The following VCPIP1 variants were observed in gnomAD, a reference collection of about 807,000 sequenced individuals.
VCPIP1 encodes valosin containing protein interacting protein 1.
A neutral mutation model predicts 85.0 loss-of-function variants in VCPIP1; 8 were observed. That is an observed-to-expected ratio of 0.09 (90% CI 0.06 to 0.17). VCPIP1 has a LOEUF of 0.17. Ranked by LOEUF, VCPIP1 falls within the 10% of genes least tolerant of loss-of-function variation. The pLI is 1.00. For synonymous variants in VCPIP1, 543 were observed against 544.5 expected, an observed-to-expected ratio of 1.00 and a Z score of 0.04; for missense variants, 1,070 against 1,486.3, an observed-to-expected ratio of 0.72 and a Z score of 4.61.
chr8:66,666,203 T>C lies in VCPIP1; in HGVS notation c.756A>G (p.Arg252=), dbSNP rs1586631665. 1.2e-6 allele frequency: 2 copies of C among 1,613,984 alleles called. No homozygotes were observed. The highest frequency in any genetic ancestry group is 3.3e-5 in the Admixed American group (2 of 60,004). The change falls in exon 1 of 3, where the codon CGA becomes CGG. Residue 252 remains arginine (R), a synonymous_variant. Coordinates refer to ENST00000310421, the MANE Select transcript of VCPIP1 (RefSeq NM_025054.5). The surrounding 1 kb of genome is among the most constrained non-coding windows in gnomAD (Gnocchi z 6.3). ...LKQHFQQHLA[R]YQALFHDFID... The stretch of plus-strand genomic sequence containing the variant: ...TGAAGTCATGGAACAGAGCTTGATA[T>C]CGGGCCAGGTGCTGCTGAAAGTGCT...
rs552253020 is a variant in VCPIP1, at chr8:66,652,987, C to T, written c.2711-1443G>A. On this transcript the variant is annotated intron_variant, in intron 1 of 2. Transcript: ENST00000310421. ...GTTGTGACTGACACTGCTAATTAAT[C>T]ACTATGTACTTACAACATCTCAGAG... Among the ~76,000 whole-genome samples, 5 of 152,326 alleles carry T rather than the reference C, an allele frequency of 3.3e-5. No individual in the cohort carries two copies. In the South Asian group the frequency reaches 1.0e-3, roughly 32 times the overall value.
intron 2 of VCPIP1, among the ~76,000 whole-genome samples, chr8:66,647,624 C>T (rs1811009899): frequency 6.6e-6 from 1 of 152,088 alleles, no homozygotes; most frequent in Non-Finnish European, 1.5e-5. Context: ...AGTAACTTCA[C>T]TGAGGTATAT....
chr8:66,649,671 T>C (rs902296097), intron 2 of VCPIP1, among the ~76,000 whole-genome samples: 3 of 152,190 alleles, frequency 2.0e-5, no homozygotes, highest in Non-Finnish European at 2.9e-5. Context: ...ATCAAATCAA[T>C]GGTTGTCAGG....
Position 66,635,315 on chromosome 8 carries a change from T to C in VCPIP1, c.2855A>G (p.Tyr952Cys). 6.2e-7 allele frequency: 1 copy of C among 1,614,122 alleles called. No homozygotes were observed. The highest frequency in any genetic ancestry group is 8.5e-7 in the Non-Finnish European group (1 of 1,180,032). ...TTCCAGTCTATCTTCAGAAGCATTATAGACAAAGGTTTTGCCAGGCAGATG... is the reference window on the plus strand; with the variant it reads ...TTCCAGTCTATCTTCAGAAGCATTACAGACAAAGGTTTTGCCAGGCAGATG... The part of the protein sequence containing the change: ...FPHLPGKTFV[Y>C]NASEDRLELC... Residue 952 changes from tyrosine to cysteine, a missense_variant, in exon 3 of 3, where the codon TAT (tyrosine) becomes TGT (cysteine). By Grantham distance (194) the Tyr-to-Cys change is radical. This residue lies in a region of VCPIP1 where 46 missense variants were observed against 95.2 expected (regional missense o/e 0.48). Coordinates refer to ENST00000310421, the MANE Select transcript of VCPIP1 (RefSeq NM_025054.5).
chr8:66,638,765 C>T (rs1427569042), intron 2 of VCPIP1, among the ~76,000 whole-genome samples: 2 of 151,744 alleles, frequency 1.3e-5, no homozygotes, highest in African/African-American at 2.4e-5. Flanking sequence ...GGCGACAGAG[C>T]GAGACTCCTG....
Position 66,634,772 on chromosome 8 carries a change from G to A in VCPIP1, c.3398C>T (p.Pro1133Leu). The A allele has an allele frequency of 6.2e-7, 1 of 1,614,236 alleles. No homozygotes were observed. Reference sequence around the variant, plus strand: ...TGTTTTCCTTTGAGGAAGATCAGATGGTGACTGCTCTGTACTTTGATCCCG... The same window carrying A: ...TGTTTTCCTTTGAGGAAGATCAGATAGTGACTGCTCTGTACTTTGATCCCG... Reference protein sequence around the residue: ...HLRDQSTEQSPSDLPQRKTEV... With the variant: ...HLRDQSTEQSLSDLPQRKTEV... Residue 1133 changes from proline (P) to leucine (L), a missense_variant, in exon 3 of 3, where the codon CCA (proline) becomes CTA (leucine). Pro to Leu is a moderately conservative substitution (Grantham distance 98). Coordinates refer to ENST00000310421, the MANE Select transcript of VCPIP1 (RefSeq NM_025054.5).
At chr8:66,646,876 T>C (rs1490806188) in intron 2 of VCPIP1, among the ~76,000 whole-genome samples, 1 of 151,300 alleles carries the variant, frequency 6.6e-6, no homozygotes, top group Non-Finnish European at 1.5e-5. Context: ...ACACAAAAAA[T>C]TAGCCGGGTG....
chr8:66,655,868 T>C (rs1036655134), intron 1 of VCPIP1, among the ~76,000 whole-genome samples: 7 of 152,150 alleles, frequency 4.6e-5, no homozygotes, highest in African/African-American at 1.4e-4. Context: ...AAAATACTTC[T>C]ATCCAATGTA....
At position 66,664,823 on chromosome 8, in the gene VCPIP1, A is replaced by G. The variant is rs1177817073; in HGVS notation, c.2136T>C (p.Thr712=). The G allele has an allele frequency of 9.9e-6, 16 of 1,612,818 alleles. No homozygotes were observed. Among genetic ancestry groups the G allele is most frequent in the African/African-American group, 1.3e-5 (1 of 74,706 alleles). ...LHKEELNMSK[T]ERTIQQNITE... ...TAATATTCTGTTGAATAGTTCTTTC[A>G]GTTTTACTCATGTTTAACTCCTCCT... The change falls in exon 1 of 3, where the codon ACT becomes ACC. Residue 712 remains threonine (T), a synonymous_variant. Transcript: ENST00000310421.
At chr8:66,662,773 C>T (rs1034860629) in intron 1 of VCPIP1, among the ~76,000 whole-genome samples, 2 of 151,572 alleles carry the variant, frequency 1.3e-5, no homozygotes, top group African/African-American at 4.8e-5. Flanking sequence ...CCTCCAACTC[C>T]GGGGTTGAAG....
Position 66,667,015 on chromosome 8 carries a change from C to A in VCPIP1, c.-57G>T, listed in dbSNP as rs1252012917. The A allele has an allele frequency of 6.9e-7, 1 of 1,452,378 alleles. No individual in the cohort carries two copies. 90.0% of individuals were successfully genotyped at this position (1,452,378 alleles called of 1,614,324 possible). ...CCAGGCGACCCTCAAAAGCTCATAGCCCAGACCCCCACCAACCCGACTCGG... is the reference window on the plus strand; with the variant it reads ...CCAGGCGACCCTCAAAAGCTCATAGACCAGACCCCCACCAACCCGACTCGG... On this transcript the variant is annotated 5_prime_UTR_variant, in exon 1 of 3. Transcript: ENST00000310421.
intron 1 of VCPIP1, among the ~76,000 whole-genome samples, chr8:66,656,397 T>C (rs1190477497): frequency 6.6e-6 from 1 of 152,158 alleles, no homozygotes; most frequent in Non-Finnish European, 1.5e-5. Context: ...CTCCCTGTGT[T>C]GCCCAAGCTG....
rs146228304 is a variant in VCPIP1, at chr8:66,666,849, A to G, written c.110T>C (p.Leu37Ser). Reference protein sequence around the residue: ...LASAAASGGLLKRRDRRILSG... With the variant: ...LASAAASGGLSKRRDRRILSG... ...AAGGATTCTCCGGTCTCTCCGCTTC[A>G]AAAGCCCCCCCGAAGCAGCCGCCGA... The change falls in exon 1 of 3, where the codon TTG (leucine) becomes TCG (serine). Residue 37 changes from leucine to serine, a missense_variant. This residue lies in a region of VCPIP1 where 164 missense variants were observed against 158.6 expected (regional missense o/e 1.03). Coordinates refer to ENST00000310421, the MANE Select transcript of VCPIP1 (RefSeq NM_025054.5). The surrounding 1 kb of genome is among the most constrained non-coding windows in gnomAD (Gnocchi z 6.3). 1.2e-6 allele frequency: 2 copies of G among 1,613,370 alleles called. No individual in the cohort carries two copies. Among genetic ancestry groups the G allele is most frequent in the Non-Finnish European group, 1.7e-6 (2 of 1,179,908 alleles).
Position 66,634,502 on chromosome 8 carries a change from CAAGAGTG to C in VCPIP1, c.3661_3667del (p.His1221AspfsTer6). 2 of 1,583,668 alleles carry C rather than the reference CAAGAGTG, an allele frequency of 1.3e-6. No individual in the cohort carries two copies. Among genetic ancestry groups the C allele is most frequent in the Non-Finnish European group, 1.7e-6 (2 of 1,166,172 alleles). Reference sequence around the variant, plus strand: ...TGCCTTTATTAGCCTCTAATTAAATCAAGAGTGATCCATTGGCTCAGTTGTGTTAGTC... The same window carrying C: ...TGCCTTTATTAGCCTCTAATTAAATCATCCATTGGCTCAGTTGTGTTAGTC... On this transcript the variant is annotated frameshift_variant and stop_lost, in exon 3 of 3. Transcript: ENST00000310421. LOFTEE classifies it high-confidence loss of function.
chr8:66,640,179 A>G (rs1586622699), intron 2 of VCPIP1, among the ~76,000 whole-genome samples: 2 of 152,220 alleles, frequency 1.3e-5, no homozygotes, highest in African/African-American at 2.4e-5. Flanking sequence ...TTTGGAAGGT[A>G]CTTTTCTGAG....
rs552230007 is a variant in VCPIP1, at chr8:66,628,659, G to A, written c.*5842C>T. 3 of 152,274 alleles carry A rather than the reference G, an allele frequency of 2.0e-5. No homozygotes were observed. In the South Asian group the frequency reaches 6.2e-4, roughly 32 times the overall value. 9.4% of individuals were successfully genotyped at this position (152,274 alleles called of 1,614,324 possible). A position where few individuals can be genotyped will look rare whatever the true frequency, so the allele number is the denominator to read the frequency against. On this transcript the variant is annotated 3_prime_UTR_variant, in exon 3 of 3. Transcript: ENST00000310421. Reference sequence around the variant, plus strand: ...GAGTTTTTGAGAATTCTATTCTGATGGTATGTGACCAATGGCATGCATATA... The same window carrying A: ...GAGTTTTTGAGAATTCTATTCTGATAGTATGTGACCAATGGCATGCATATA...
chr8:66,640,734 T>G (rs1810938877), intron 2 of VCPIP1, among the ~76,000 whole-genome samples: 1 of 152,056 alleles, frequency 6.6e-6, no homozygotes, highest in Admixed American at 6.6e-5. Flanking sequence ...CAGGGAAGAG[T>G]TTGGCCGGGG....
rs543896036 is a variant in VCPIP1 at position 66,648,248 on chromosome 8, C to A, written c.2797+3210G>T. Among the ~76,000 whole-genome samples, 111 of 152,238 alleles carry A rather than the reference C, an allele frequency of 7.3e-4. 1 individual carries two copies. Among genetic ancestry groups the A allele is most frequent in the African/African-American group, 2.3e-3 (97 of 41,552 alleles). On this transcript the variant is annotated intron_variant, in intron 2 of 2. Transcript: ENST00000310421. The stretch of plus-strand genomic sequence containing the variant: ...GACAGATCTCAAAAGCATATTAAAA[C>A]AAATAGGCACATTTTTTCTGTATAG...
intron 1 of VCPIP1, among the ~76,000 whole-genome samples, chr8:66,651,790 G>A (rs963434271): frequency 4.6e-5 from 7 of 152,110 alleles, no homozygotes; most frequent in African/African-American, 1.7e-4. Flanking sequence ...AGTGTCTCAA[G>A]ACCATGTGGC....
Sources: allele counts gnomAD v4.1 joint callset (sites outside exome capture counted in the v4.1 genomes callset), GRCh38; gene constraint gnomAD v4.1.1; regional missense constraint gnomAD v4.1.1; non-coding constraint Gnocchi (gnomAD v3.1); transcripts MANE v1.5; gene names NCBI Gene and HGNC (gene_info 2026-07-23, HGNC 2026-07-21).